CSMD2: variants seen among roughly 807,000 people sequenced by gnomAD.
The protein encoded by CSMD2 is CUB and sushi domain-containing protein 2.
A neutral mutation model predicts 398.5 loss-of-function variants in CSMD2; 130 were observed. The observed-to-expected ratio is 0.33, with a 90% confidence interval of 0.28 to 0.38. The LOEUF (loss-of-function observed/expected upper bound fraction) is 0.38, where lower values mean the gene tolerates loss of function less well. CSMD2 is among the 10% of genes least tolerant of loss of function. The pLI is 1.00. For synonymous variants in CSMD2, 1,828 were observed against 1,908.5 expected, an observed-to-expected ratio of 0.96 and a Z score of 1.10; for missense variants, 3,829 against 4,764.9, an observed-to-expected ratio of 0.80 and a Z score of 5.78.
chr1:33,723,561 T>A (rs527630195), intron 19 of CSMD2, among the ~76,000 whole-genome samples: 7 of 152,346 alleles, frequency 4.6e-5, no homozygotes, highest in African/African-American at 1.7e-4. Context: ...ACTTTTACTT[T>A]GAACTTGGAC....
At chr1:33,612,386 C>G (rs867120274) in intron 40 of CSMD2, among the ~76,000 whole-genome samples, 1 of 152,158 alleles carries the variant, frequency 6.6e-6, no homozygotes, top group African/African-American at 2.4e-5. Context: ...TTCCTGCCCT[C>G]CACAGAAGCA....
chr1:33,831,967 T>C lies in CSMD2; in HGVS notation c.1034-6193A>G, dbSNP rs1187503044. ...AATTCAACAAGAAGAGCTAACTATC[T>C]TAAATATATATGCACCCAATACAGG... On this transcript the variant is annotated intron_variant, in intron 6 of 70. Transcript: ENST00000373381. Among the ~76,000 whole-genome samples the C allele has an allele frequency of 3.3e-5, 5 of 151,954 alleles. No individual in the cohort carries two copies. The East Asian group carries it at 5.8e-4, about 18-fold the overall frequency.
At chr1:33,535,814 C>T (rs1301686603) in intron 62 of CSMD2, among the ~76,000 whole-genome samples, 1 of 152,240 alleles carries the variant, frequency 6.6e-6, no homozygotes, top group Non-Finnish European at 1.5e-5. Context: ...GAATGTCACC[C>T]TGCTCTGCAC....
At position 33,866,550 on chromosome 1, in the gene CSMD2, C is replaced by A. The variant is rs1259492730; in HGVS notation, c.921-19554G>T. Among the ~76,000 whole-genome samples the A allele has an allele frequency of 2.6e-5, 4 of 152,246 alleles. No individual in the cohort carries two copies. The East Asian group carries it at 5.8e-4, about 22-fold the overall frequency. On this transcript the variant is annotated intron_variant, in intron 5 of 70. Transcript: ENST00000373381. The stretch of plus-strand genomic sequence containing the variant: ...TGCTTCTCTTCCCTCTCAGGAGACG[C>A]CCGCATTTTCTGCTTCATTGAGAAA...
At chr1:33,942,798 C>A (rs1014326866) in intron 3 of CSMD2, among the ~76,000 whole-genome samples, 1 of 152,210 alleles carries the variant, frequency 6.6e-6, no homozygotes, top group Non-Finnish European at 1.5e-5. Flanking sequence ...TGCTCAATCT[C>A]CAGGGCCTTT....
At chr1:33,746,665 A>G (rs1274835942) in intron 13 of CSMD2, among the ~76,000 whole-genome samples, 3 of 152,200 alleles carry the variant, frequency 2.0e-5, no homozygotes, top group Non-Finnish European at 4.4e-5. Context: ...CAACACATAC[A>G]CAGATCTTCC....
intron 12 of CSMD2, among the ~76,000 whole-genome samples, chr1:33,784,553 C>T (rs949540003): frequency 6.6e-6 from 1 of 152,246 alleles, no homozygotes; most frequent in African/African-American, 2.4e-5. Context: ...CCTGATTCTG[C>T]CTCCTGCCAC....
chr1:33,550,152 C>T, intron 56 of CSMD2, 25 bp downstream of exon 56: 2 of 1,603,118 alleles, frequency 1.2e-6, no homozygotes, highest in Non-Finnish European at 1.7e-6. Context: ...CACTGGAGCT[C>T]TTTCCTCAAT....
intron 10 of CSMD2, among the ~76,000 whole-genome samples, chr1:33,806,284 CT>C (rs1422634185): frequency 1.3e-5 from 2 of 152,192 alleles, no homozygotes; most frequent in African/African-American, 2.4e-5. Flanking sequence ...AATGTTTCCA[CT>C]GAGAATTCAC....
intron 2 of CSMD2, among the ~76,000 whole-genome samples, chr1:34,084,643 T>C (rs1408627255): frequency 6.6e-6 from 1 of 152,030 alleles, no homozygotes; most frequent in Non-Finnish European, 1.5e-5. Context: ...TCACCATCAC[T>C]GGCCATCAGA....
intron 23 of CSMD2, among the ~76,000 whole-genome samples, chr1:33,700,067 G>C (rs967865138): frequency 1.3e-5 from 2 of 151,298 alleles, no homozygotes; most frequent in South Asian, 4.2e-4. Flanking sequence ...AGAGTGCAGT[G>C]GCGCAATCTC....
chr1:33,583,573 A>T, intron 47 of CSMD2, 69 bp downstream of exon 47: 1 of 1,475,366 alleles, frequency 6.8e-7, no homozygotes, highest in Non-Finnish European at 9.3e-7. Context: ...TGCAGCACAG[A>T]CTCCTCGGGT....
chr1:33,958,556 C>T (rs1359795189), intron 3 of CSMD2, among the ~76,000 whole-genome samples: 1 of 152,178 alleles, frequency 6.6e-6, no homozygotes, highest in African/African-American at 2.4e-5. Context: ...AGAAATTCTC[C>T]TGGGTGAGCC....
intron 3 of CSMD2, among the ~76,000 whole-genome samples, chr1:33,975,227 C>T (rs1645915417): frequency 6.6e-6 from 1 of 152,178 alleles, no homozygotes; most frequent in Non-Finnish European, 1.5e-5. Flanking sequence ...ACCTCCTCTG[C>T]AAGGTGCAGT....
At chr1:33,874,373 G>A (rs1168537633) in intron 5 of CSMD2, among the ~76,000 whole-genome samples, 1 of 152,228 alleles carries the variant, frequency 6.6e-6, no homozygotes, top group Non-Finnish European at 1.5e-5. Flanking sequence ...CCATTTTACA[G>A]ACAACTTGAA....
rs1640294776 is a variant in CSMD2 at position 33,602,510 on chromosome 1, G to A, written c.6569C>T (p.Thr2190Ile). Residue 2190 changes from threonine (T) to isoleucine (I), a missense_variant, in exon 43 of 71, where the codon ACT becomes ATT. This residue lies in a region of CSMD2 where 723 missense variants were observed against 758.6 expected (regional missense o/e 0.95). Transcript: ENST00000373381. Reference sequence around the variant, plus strand: ...GCTAGGGAACCCCGGGGAGTACACAGTGCCGTTGGAAGAAGTGATGTTCCC... The same window carrying A: ...GCTAGGGAACCCCGGGGAGTACACAATGCCGTTGGAAGAAGTGATGTTCCC... ...CGGNITSSNG[T>I]VYSPGFPSPY... 1.2e-6 allele frequency: 2 copies of A among 1,605,978 alleles called. No homozygotes were observed. Among genetic ancestry groups the A allele is most frequent in the Non-Finnish European group, 1.7e-6 (2 of 1,176,396 alleles).
chr1:33,524,069 G>A (rs527429943), intron 66 of CSMD2, among the ~76,000 whole-genome samples: 5 of 152,218 alleles, frequency 3.3e-5, no homozygotes, highest in Admixed American at 2.0e-4. Context: ...AAATAACCAC[G>A]TTACTGTAAA....
intron 12 of CSMD2, among the ~76,000 whole-genome samples, chr1:33,778,821 T>C (rs1652335556): frequency 6.6e-6 from 1 of 152,176 alleles, no homozygotes; most frequent in Non-Finnish European, 1.5e-5. Context: ...CTCAAGCCTC[T>C]GGCTGGGAGC....
chr1:33,952,515 A>G (rs1424202962), intron 3 of CSMD2, among the ~76,000 whole-genome samples: 2 of 151,982 alleles, frequency 1.3e-5, no homozygotes, highest in East Asian at 1.9e-4. Context: ...ATTTAATCCA[A>G]CCTCAGCTAT....
Sources: allele counts gnomAD v4.1 joint callset (sites outside exome capture counted in the v4.1 genomes callset), GRCh38; gene constraint gnomAD v4.1.1; regional missense constraint gnomAD v4.1.1; transcripts MANE v1.5; gene names NCBI Gene and HGNC (gene_info 2026-07-23, HGNC 2026-07-21).